The following ABCD2 variants were observed in gnomAD, a reference collection of about 807,000 sequenced individuals.
ABCD2 encodes ATP-binding cassette sub-family D member 2.
Under a neutral mutation model 70.9 loss-of-function variants are expected in ABCD2, and 36 were observed. The ratio of observed to expected loss-of-function variants is 0.51; its 90% CI spans 0.39 to 0.67. The LOEUF (loss-of-function observed/expected upper bound fraction) is 0.67. Among genes scored for constraint, ABCD2 ranks in the 30% least tolerant of loss-of-function variants. The pLI is 0.00. For missense variants in ABCD2, 729 were observed against 890.2 expected (o/e 0.82, Z 2.30); for synonymous variants, 304 against 306.9 (o/e 0.99, Z 0.10).
At chr12:39,579,715 T>C in intron 7 of ABCD2, 96 bp from the exon 8 acceptor site, 1 of 943,720 alleles carries the variant, frequency 1.1e-6, no homozygotes, top group Non-Finnish European at 1.6e-6. Context: ...ATTCAAATTG[T>C]CAACATGAAG....
intron 8 of ABCD2, among the ~76,000 whole-genome samples, chr12:39,576,184 G>A (rs935803123): frequency 1.3e-5 from 2 of 152,092 alleles, no homozygotes; most frequent in Admixed American, 6.6e-5. Context: ...TTTTTGAGAC[G>A]GAGTCTCATA....
intron 8 of ABCD2, among the ~76,000 whole-genome samples, chr12:39,578,871 T>G (rs1941557553): frequency 6.6e-6 from 1 of 152,054 alleles, no homozygotes; most frequent in African/African-American, 2.4e-5. Context: ...TTCAGAAAGT[T>G]TTACTGAATG....
chr12:39,617,578 A>C (rs535229707), intron 1 of ABCD2, among the ~76,000 whole-genome samples: 1 of 152,140 alleles, frequency 6.6e-6, no homozygotes, highest in African/African-American at 2.4e-5. Flanking sequence ...TCTTTTATGC[A>C]AGAAGTCTAA....
chr12:39,557,718 C>G (rs111786037), intron 9 of ABCD2, among the ~76,000 whole-genome samples: 15,418 of 152,154 alleles, frequency 0.1, 798 homozygotes, highest in East Asian at 0.16. Context: ...TAAAATGGGC[C>G]AAGGTACAGC....
At chr12:39,566,953 C>T (rs1036228621) in intron 9 of ABCD2, among the ~76,000 whole-genome samples, 13 of 152,198 alleles carry the variant, frequency 8.5e-5, no homozygotes, top group African/African-American at 3.1e-4. Flanking sequence ...GAGTGAGTTT[C>T]TTAATCCTGA....
chr12:39,577,998 C>T (rs538595727), intron 8 of ABCD2, among the ~76,000 whole-genome samples: 33 of 152,218 alleles, frequency 2.2e-4, no homozygotes, highest in African/African-American at 7.5e-4. Flanking sequence ...CAACTGAGTG[C>T]TTAGTGTGGG....
the ABCD2 span, among the ~76,000 whole-genome samples, chr12:39,541,329 T>C: frequency 6.6e-6 from 1 of 152,130 alleles, no homozygotes; most frequent in Non-Finnish European, 1.5e-5. Flanking sequence ...CCCTGTGGAA[T>C]TGAAGAAAGA....
chr12:39,583,213 T>C (rs1194198985), intron 7 of ABCD2, among the ~76,000 whole-genome samples: 2 of 152,168 alleles, frequency 1.3e-5, no homozygotes, highest in Non-Finnish European at 2.9e-5. Context: ...TTACATACAG[T>C]CTTATTTAAT....
intron 9 of ABCD2, among the ~76,000 whole-genome samples, chr12:39,558,391 T>C (rs1941201863): frequency 6.6e-6 from 1 of 152,144 alleles, no homozygotes; most frequent in Admixed American, 6.6e-5. Flanking sequence ...TGATTATGTT[T>C]TGAAAGTGAG....
chr12:39,579,631 A>T lies in ABCD2; in HGVS notation c.1793-12T>A. On this transcript the variant is annotated splice_polypyrimidine_tract_variant and intron_variant, in intron 7 of 9. Transcript: ENST00000308666. ...AACAGCATCCCATCCTTAAGAAAAT[A>T]AAAAAATATACATTTTTATAAATCA... 6.4e-7 allele frequency: 1 copy of T among 1,573,848 alleles called. No homozygotes were observed. The highest frequency in any genetic ancestry group is 8.7e-7 in the Non-Finnish European group (1 of 1,150,916).
At chr12:39,605,034 A>AATCTT in intron 3 of ABCD2, 104 bp from the exon 4 acceptor site, 2 of 885,774 alleles carry the variant, frequency 2.3e-6, no homozygotes, top group Non-Finnish European at 3.2e-6. Flanking sequence ...AAAAGATTAT[A>AATCTT]TTGCATTATA....
intron 9 of ABCD2, among the ~76,000 whole-genome samples, chr12:39,563,937 T>A (rs151047090): frequency 6.6e-6 from 1 of 152,324 alleles, no homozygotes; most frequent in Admixed American, 6.5e-5. Flanking sequence ...TTCATCCATG[T>A]CCTTACAAAA....
chr12:39,565,739 C>G (rs1242531406), intron 9 of ABCD2, among the ~76,000 whole-genome samples: 1 of 152,138 alleles, frequency 6.6e-6, no homozygotes, highest in Admixed American at 6.5e-5. Context: ...AGTTTTTGCT[C>G]ATTCAGTATG....
At chr12:39,591,009 A>C (rs1368691505) in intron 6 of ABCD2, among the ~76,000 whole-genome samples, 1 of 152,180 alleles carries the variant, frequency 6.6e-6, no homozygotes, top group Non-Finnish European at 1.5e-5. Flanking sequence ...AAGTAATCAT[A>C]TAAAATTTAA....
At chr12:39,540,071 C>G in the ABCD2 span, among the ~76,000 whole-genome samples, 2 of 152,212 alleles carry the variant, frequency 1.3e-5, no homozygotes, top group Non-Finnish European at 2.9e-5. Flanking sequence ...GTTGGTCTGT[C>G]AGACCACATC....
chr12:39,534,809 A>T, the ABCD2 span, among the ~76,000 whole-genome samples: 1 of 150,304 alleles, frequency 6.7e-6, no homozygotes, highest in Non-Finnish European at 1.5e-5. Context: ...AAAGAAAGAA[A>T]AGAAAGGAAG....
At position 39,618,780 on chromosome 12, in the gene ABCD2, C is replaced by T; in HGVS notation, c.836G>A (p.Gly279Asp). 1 of 1,614,194 alleles carries T rather than the reference C, an allele frequency of 6.2e-7. No individual in the cohort carries two copies. The highest frequency in any genetic ancestry group is 8.5e-7 in the Non-Finnish European group (1 of 1,180,030). ...KVLKACSPKF[G>D]KLVAEEAHRK... ...ATGTGCTTCCTCTGCCACCAGTTTG[C>T]CAAATTTGGGAGAACAGGCTTTTAA... The change falls in exon 1 of 10, where the codon GGC becomes GAC. Residue 279 changes from glycine (G) to aspartate (D), a missense_variant. Around this residue, in one of 3 missense-constraint regions of ABCD2, gnomAD observed 195 missense variants for 300.2 expected, o/e 0.65. Coordinates refer to ENST00000308666, the MANE Select transcript of ABCD2 (RefSeq NM_005164.4).
chr12:39,617,091 C>A lies in ABCD2; in HGVS notation c.1017G>T (p.Trp339Cys), dbSNP rs1341388131. ...QMNLILSKRL[W>C]YIMIEQFLMK... ...TCAGGAACTGTTCTATCATGATGTACCACAAACGTTTGGATAAAATGAGGT... is the reference window on the plus strand; with the variant it reads ...TCAGGAACTGTTCTATCATGATGTAACACAAACGTTTGGATAAAATGAGGT... Residue 339 changes from tryptophan to cysteine, a missense_variant, in exon 2 of 10, where the codon TGG (tryptophan) becomes TGT (cysteine). Trp to Cys is a radical substitution (Grantham distance 215). This residue lies in a region of ABCD2 where 195 missense variants were observed against 300.2 expected (regional missense o/e 0.65). Transcript: ENST00000308666. 4 of 1,612,682 alleles carry A rather than the reference C, an allele frequency of 2.5e-6. No homozygotes were observed. The highest frequency in any genetic ancestry group is 3.4e-6 in the Non-Finnish European group (4 of 1,179,230).
chr12:39,566,282 TATTA>T lies in ABCD2; in HGVS notation c.2003+7430_2003+7433del, dbSNP rs1941346169. The stretch of plus-strand genomic sequence containing the variant: ...CCTGGAGTTTTTTTGGTTGGTAAGC[TATTA>T]ATTATTGCCTCAATTTCAGAGCCTG... On this transcript the variant is annotated intron_variant, in intron 9 of 9. Coordinates refer to ENST00000308666, the MANE Select transcript of ABCD2 (RefSeq NM_005164.4). Among the ~76,000 whole-genome samples the T allele has an allele frequency of 8.5e-5, 13 of 152,304 alleles. No individual in the cohort carries two copies. The South Asian group carries it at 2.7e-3, about 32-fold the overall frequency.
Sources: gnomAD v4.1 joint callset for allele counts (sites outside exome capture counted in the v4.1 genomes callset) on GRCh38, gnomAD v4.1.1 for gene constraint, gnomAD v4.1.1 regional missense constraint, MANE v1.5 for transcripts, NCBI Gene and HGNC (gene_info 2026-07-23, HGNC 2026-07-21) for gene names.